Variants in RPS6KC1 observed in about 807,000 individuals in gnomAD.
The protein encoded by RPS6KC1 is inactive ribosomal protein S6 kinase delta-1.
RPS6KC1 carries 54 observed loss-of-function variants against 103.8 expected under a neutral mutation model. That is an observed-to-expected ratio of 0.52 (90% CI 0.42 to 0.65). The LOEUF is 0.65. RPS6KC1 is among the 30% of genes least tolerant of loss of function. The probability of loss-of-function intolerance (pLI) is 0.00; values close to 1 mark genes in which losing one functional copy is unlikely to be tolerated. For synonymous variants in RPS6KC1, 439 were observed against 438.7 expected (o/e 1.00, Z -0.01); for missense variants, 1,151 against 1,253.8 (o/e 0.92, Z 1.24).
At chr1:213,626,867 C>G in the RPS6KC1 span, among the ~76,000 whole-genome samples, 1 of 152,266 alleles carries the variant, frequency 6.6e-6, no homozygotes, top group South Asian at 2.1e-4. Context: ...CGTGATGCCT[C>G]CAGCTTTGTT....
At chr1:213,303,979 G>T in the RPS6KC1 span, among the ~76,000 whole-genome samples, 2 of 151,556 alleles carry the variant, frequency 1.3e-5, no homozygotes, top group Admixed American at 6.6e-5. Context: ...GCCGAGGCAG[G>T]CGGATCACGA....
At chr1:213,258,198 G>A (rs2094697859) in intron 12 of RPS6KC1, among the ~76,000 whole-genome samples, 1 of 151,962 alleles carries the variant, frequency 6.6e-6, no homozygotes, top group African/African-American at 2.4e-5. Flanking sequence ...AGCCAGGATG[G>A]TCTCGATCTC....
the RPS6KC1 span, among the ~76,000 whole-genome samples, chr1:213,642,209 T>G: frequency 6.6e-6 from 1 of 152,098 alleles, no homozygotes; most frequent in Non-Finnish European, 1.5e-5. Flanking sequence ...ATTGCTAGTT[T>G]GATAGTACTT....
the RPS6KC1 span, among the ~76,000 whole-genome samples, chr1:213,776,827 A>G: frequency 6.6e-6 from 1 of 152,238 alleles, no homozygotes; most frequent in Admixed American, 6.5e-5. Context: ...TGCTTAGTGT[A>G]GCCATCTTCA....
intron 3 of RPS6KC1, among the ~76,000 whole-genome samples, chr1:213,078,672 G>T (rs2079575653): frequency 6.6e-6 from 1 of 152,168 alleles, no homozygotes; most frequent in Non-Finnish European, 1.5e-5. Flanking sequence ...AAAGTGCTGG[G>T]ATTACAGGCA....
At position 213,103,620 on chromosome 1, in the gene RPS6KC1, T is replaced by C. The variant is rs7542653; in HGVS notation, c.263-834T>C. Among the ~76,000 whole-genome samples the C allele has an allele frequency of 5.0e-3, 754 of 152,290 alleles. 6 individuals carry two copies. Among genetic ancestry groups the C allele is most frequent in the African/African-American group, 0.014 (578 of 41,560 alleles). On this transcript the variant is annotated intron_variant, in intron 3 of 14. Transcript: ENST00000366960. ...CATATAGGCACTTGCCTTGCCTATA[T>C]AACTAGGAATCTCTTTGTGCCTCAG...
chr1:213,138,024 T>C (rs2149065529), intron 6 of RPS6KC1, among the ~76,000 whole-genome samples: 1 of 151,782 alleles, frequency 6.6e-6, no homozygotes, highest in Admixed American at 6.6e-5. Flanking sequence ...TTATTTGTGC[T>C]CTTGATTTTT....
chr1:213,758,544 C>A, the RPS6KC1 span, among the ~76,000 whole-genome samples: 1 of 151,596 alleles, frequency 6.6e-6, no homozygotes, highest in South Asian at 2.1e-4. Context: ...CACCACTACA[C>A]CCCAGCCTGG....
the RPS6KC1 span, among the ~76,000 whole-genome samples, chr1:213,713,858 A>T: frequency 2.6e-5 from 4 of 152,032 alleles, no homozygotes; most frequent in African/African-American, 9.7e-5. Context: ...TTCAGCATGC[A>T]CTCCTTACTT....
chr1:213,476,837 A>G, the RPS6KC1 span, among the ~76,000 whole-genome samples: 1 of 152,214 alleles, frequency 6.6e-6, no homozygotes, highest in African/African-American at 2.4e-5. Context: ...CCATCAGAGG[A>G]TTTACAGAGA....
At chr1:213,825,954 G>A in the RPS6KC1 span, among the ~76,000 whole-genome samples, 5 of 152,242 alleles carry the variant, frequency 3.3e-5, 1 homozygote, top group Admixed American at 1.3e-4. Context: ...TGTACTTCGG[G>A]AAGGGGCTAA....
the RPS6KC1 span, among the ~76,000 whole-genome samples, chr1:213,626,162 G>A: frequency 8.5e-5 from 13 of 152,256 alleles, no homozygotes; most frequent in Admixed American, 8.5e-4. Context: ...TTTTTGATTT[G>A]CATTTCTCTG....
At chr1:213,704,162 C>T in the RPS6KC1 span, among the ~76,000 whole-genome samples, 31 of 151,548 alleles carry the variant, frequency 2.0e-4, no homozygotes, top group Non-Finnish European at 2.8e-4. Context: ...CCGAGGCGGG[C>T]GGATCACGAG....
chr1:213,344,776 C>G, the RPS6KC1 span, among the ~76,000 whole-genome samples: 1 of 152,190 alleles, frequency 6.6e-6, no homozygotes, highest in Non-Finnish European at 1.5e-5. Context: ...CTCAAGTGAT[C>G]CACCCGCCTC....
intron 11 of RPS6KC1, 69 bp downstream of exon 11, chr1:213,242,366 A>G (rs1400381697): frequency 2.0e-6 from 3 of 1,531,400 alleles, no homozygotes; most frequent in Admixed American, 3.4e-5. Flanking sequence ...TAGGCGTTTT[A>G]TCTTGTAATT....
chr1:213,290,438 G>C, the RPS6KC1 span, among the ~76,000 whole-genome samples: 1 of 152,180 alleles, frequency 6.6e-6, no homozygotes, highest in Admixed American at 6.5e-5. Context: ...TAAAAGGCGG[G>C]GAGGAAGGAA....
At chr1:213,370,164 T>A in the RPS6KC1 span, among the ~76,000 whole-genome samples, 1 of 152,098 alleles carries the variant, frequency 6.6e-6, no homozygotes, top group Non-Finnish European at 1.5e-5. Context: ...TTCTCTTACC[T>A]CCTTCTCAGG....
the RPS6KC1 span, among the ~76,000 whole-genome samples, chr1:213,566,437 G>GTTTTTTTTTTTTTTTTTTTTTTTTTT: frequency 1.6e-4 from 8 of 48,526 alleles, no homozygotes; most frequent in Admixed American, 2.8e-4. Flanking sequence ...TCAGCCTTTA[G>GTTTTTTTTTTTTTTTTTTTTTTTTTT]TTTTTTTTTT....
At chr1:213,280,633 T>C in the RPS6KC1 span, among the ~76,000 whole-genome samples, 376 of 152,280 alleles carry the variant, frequency 2.5e-3, 7 homozygotes, top group Admixed American at 3.5e-3. Flanking sequence ...ATGGACTTCA[T>C]AGTAGTAAAG....
Sources: gnomAD v4.1 joint callset for allele counts (sites outside exome capture counted in the v4.1 genomes callset) on GRCh38, gnomAD v4.1.1 for gene constraint, MANE v1.5 for transcripts, NCBI Gene and HGNC (gene_info 2026-07-23, HGNC 2026-07-21) for gene names.